PRKCB: variants seen among roughly 807,000 people sequenced by gnomAD.
The protein encoded by PRKCB is protein kinase C beta.
A neutral mutation model predicts 81.5 loss-of-function variants in PRKCB; 13 were observed. The ratio of observed to expected loss-of-function variants is 0.16; its 90% CI spans 0.10 to 0.25. The LOEUF (loss-of-function observed/expected upper bound fraction) is 0.25. PRKCB is among the 10% of genes least tolerant of loss of function. The pLI is 1.00. For synonymous variants in PRKCB, 335 were observed against 321.4 expected, an observed-to-expected ratio of 1.04 and a Z score of -0.45; for missense variants, 509 against 875.7, an observed-to-expected ratio of 0.58 and a Z score of 5.29.
chr16:24,170,475 G>A (rs924828285), intron 10 of PRKCB, among the ~76,000 whole-genome samples: 22 of 151,972 alleles, frequency 1.4e-4, no homozygotes, highest in East Asian at 7.7e-4. Flanking sequence ...ATTCGTTAGC[G>A]CAGACTCTGC....
intron 5 of PRKCB, among the ~76,000 whole-genome samples, chr16:24,040,619 A>G (rs1177085234): frequency 1.3e-5 from 2 of 152,134 alleles, no homozygotes; most frequent in African/African-American, 4.8e-5. Context: ...GGGCATCACT[A>G]AATATTTATG....
In PRKCB at chr16:23,972,903, A is replaced by G. The variant is rs111321397; in HGVS notation, c.206-15605A>G. 2.0e-3 allele frequency among the ~76,000 whole-genome samples: 307 copies of G among 152,300 alleles called. 2 individuals carry two copies. Among genetic ancestry groups the G allele is most frequent in the African/African-American group, 7.1e-3 (296 of 41,568 alleles). On this transcript the variant is annotated intron_variant, in intron 2 of 16. Coordinates refer to ENST00000643927, the MANE Select transcript of PRKCB (RefSeq NM_002738.7). The stretch of plus-strand genomic sequence containing the variant: ...TCTGGGAGGGAAAGATATTTTTATT[A>G]TTTGCAACAACAATAGTAATAGCTA...
At chr16:24,112,856 C>A in intron 7 of PRKCB, 117 bp from the exon 8 acceptor site, 1 of 694,380 alleles carries the variant, frequency 1.4e-6, no homozygotes, top group South Asian at 2.2e-5. Flanking sequence ...ACCAAAAAAC[C>A]CTCAACGTAT....
chr16:23,875,426 G>A (rs569637059), intron 2 of PRKCB, among the ~76,000 whole-genome samples: 6 of 150,856 alleles, frequency 4.0e-5, no homozygotes, highest in East Asian at 1.9e-4. Flanking sequence ...GCTTACCAGC[G>A]GGTGTCCAAG....
At position 23,940,076 on chromosome 16, in the gene PRKCB, G is replaced by A. The variant is rs1964119361; in HGVS notation, c.206-48432G>A. 2.0e-5 allele frequency among the ~76,000 whole-genome samples: 3 copies of A among 152,112 alleles called. No individual in the cohort carries two copies. In the South Asian group the frequency reaches 6.2e-4, roughly 31 times the overall value. On this transcript the variant is annotated intron_variant, in intron 2 of 16. Coordinates refer to ENST00000643927, the MANE Select transcript of PRKCB (RefSeq NM_002738.7). ...ATTTCACCAAAGAGGGAACACAGAT[G>A]ACAAATAAACACATGAAAAGATGTT...
intron 5 of PRKCB, among the ~76,000 whole-genome samples, chr16:24,040,818 A>G (rs1965688243): frequency 1.3e-5 from 2 of 152,204 alleles, no homozygotes; most frequent in Non-Finnish European, 2.9e-5. Flanking sequence ...ACCAGGTCCA[A>G]CGTCAACAGC....
At chr16:23,946,323 T>C (rs1964203556) in intron 2 of PRKCB, among the ~76,000 whole-genome samples, 1 of 152,164 alleles carries the variant, frequency 6.6e-6, no homozygotes, top group South Asian at 2.1e-4. Context: ...ACCCAAAGAA[T>C]GAGTAGTTTT....
chr16:24,115,614 TCCCAAGAGCATTTA>T (rs1966728865), intron 8 of PRKCB, among the ~76,000 whole-genome samples: 1 of 151,874 alleles, frequency 6.6e-6, no homozygotes, highest in South Asian at 2.1e-4. Context: ...ATAGCATTTA[TCCCAAGAGCATTTA>T]CCCAAGAGCA....
chr16:23,905,587 A>G (rs1963547104), intron 2 of PRKCB, among the ~76,000 whole-genome samples: 1 of 152,204 alleles, frequency 6.6e-6, no homozygotes, highest in South Asian at 2.1e-4. Flanking sequence ...GGCATTCTGT[A>G]GTTTTATTTG....
intron 9 of PRKCB, among the ~76,000 whole-genome samples, chr16:24,138,972 C>T (rs1434445557): frequency 6.6e-6 from 1 of 151,456 alleles, no homozygotes. Context: ...CTGCCTCAGC[C>T]TCCTGAGTAG....
chr16:24,033,057 A>G (rs1026590709), intron 4 of PRKCB, among the ~76,000 whole-genome samples: 1 of 152,158 alleles, frequency 6.6e-6, no homozygotes, highest in East Asian at 1.9e-4. Context: ...ACTCCTCTTT[A>G]TGAGGCCAAG....
chr16:24,113,032 G>A lies in PRKCB; in HGVS notation c.881G>A (p.Gly294Glu), dbSNP rs199901715. ...TTCAATGTGCCTGTGCCACCAGAAG[G>A]AAGTGAGGCCAATGAAGAACTGCGG... ...EYFNVPVPPE[G>E]SEANEELRQK... is the part of the protein sequence containing the mutation. The change falls in exon 8 of 17, where the codon GGA (glycine) becomes GAA (glutamate). Residue 294 changes from glycine (G) to glutamate (E), a missense_variant. By Grantham distance (98) the Gly-to-Glu change is moderately conservative. Around this residue, in one of 6 missense-constraint regions of PRKCB, gnomAD observed 80 missense variants for 89.4 expected, o/e 0.90. Transcript: ENST00000643927. 4.8e-4 allele frequency: 773 copies of A among 1,613,278 alleles called. No individual in the cohort carries two copies. The highest frequency in any genetic ancestry group is 6.4e-4 in the Non-Finnish European group (752 of 1,179,590).
intron 2 of PRKCB, among the ~76,000 whole-genome samples, chr16:23,922,475 C>T (rs923293189): frequency 6.6e-6 from 1 of 152,188 alleles, no homozygotes; most frequent in Non-Finnish European, 1.5e-5. Flanking sequence ...TCTCTGCAAC[C>T]TCTCATCTAT....
chr16:24,043,288 G>T (rs1432771215), intron 5 of PRKCB, among the ~76,000 whole-genome samples: 1 of 151,878 alleles, frequency 6.6e-6, no homozygotes, highest in East Asian at 1.9e-4. Flanking sequence ...TTTTTTGTTT[G>T]TTTTTTGAGG....
Position 24,026,443 on chromosome 16 carries a change from C to T in PRKCB, c.289-5693C>T, listed in dbSNP as rs186032401. Among the ~76,000 whole-genome samples the T allele has an allele frequency of 4.2e-4, 64 of 152,320 alleles. 1 individual carries two copies. Among genetic ancestry groups the T allele is most frequent in the Non-Finnish European group, 7.9e-4 (54 of 68,038 alleles). ...CATTTTTGGTCAGAAATGCTTGAAT[C>T]CTTGTCTTGGAGATCGCTCAAGAAA... On this transcript the variant is annotated intron_variant, in intron 3 of 16. Transcript: ENST00000643927.
intron 2 of PRKCB, among the ~76,000 whole-genome samples, chr16:23,856,095 T>C (rs1223099433): frequency 6.6e-6 from 1 of 152,210 alleles, no homozygotes; most frequent in East Asian, 1.9e-4. Context: ...TAGACTGTAC[T>C]TGCTGGCACT....
chr16:23,879,604 C>T (rs945497376), intron 2 of PRKCB, among the ~76,000 whole-genome samples: 12 of 150,246 alleles, frequency 8.0e-5, no homozygotes, highest in African/African-American at 2.2e-4. Context: ...AGTGATTCTC[C>T]AGCCTAGGCC....
chr16:24,073,993 T>G lies in PRKCB; in HGVS notation c.530-18798T>G, dbSNP rs372494125. 5.3e-5 allele frequency among the ~76,000 whole-genome samples: 8 copies of G among 151,598 alleles called. No homozygotes were observed. The East Asian group carries it at 1.6e-3, about 29-fold the overall frequency. ...CCGATACAAAAATATTAGCCGGGCG[T>G]GGTTGGTGGCGGGCGCCTGTAGTAC... is the stretch of plus-strand genomic sequence containing the variant. On this transcript the variant is annotated intron_variant, in intron 5 of 16. Transcript: ENST00000643927.
At chr16:23,957,792 A>G (rs1298293676) in intron 2 of PRKCB, among the ~76,000 whole-genome samples, 1 of 152,046 alleles carries the variant, frequency 6.6e-6, no homozygotes, top group Non-Finnish European at 1.5e-5. Flanking sequence ...GTAAACTCAC[A>G]GTTCCTTTAT....
Sources: allele counts gnomAD v4.1 joint callset (sites outside exome capture counted in the v4.1 genomes callset), GRCh38; gene constraint gnomAD v4.1.1; regional missense constraint gnomAD v4.1.1; transcripts MANE v1.5; gene names NCBI Gene and HGNC (gene_info 2026-07-23, HGNC 2026-07-21).